The following ABCC5 variants were observed in gnomAD, a reference collection of about 807,000 sequenced individuals.
ABCC5 encodes the protein ATP binding cassette subfamily C member 5, also known as ATP-binding cassette sub-family C member 5.
ABCC5 carries 61 observed loss-of-function variants against 160.9 expected under a neutral mutation model. The ratio of observed to expected loss-of-function variants is 0.38; its 90% CI spans 0.31 to 0.47. The LOEUF (loss-of-function observed/expected upper bound fraction) is 0.47, where lower values mean the gene tolerates loss of function less well. Among genes scored for constraint, ABCC5 ranks in the 20% least tolerant of loss-of-function variants. The pLI is 0.99. For missense variants in ABCC5, 1,308 were observed against 1,813.3 expected, an observed-to-expected ratio of 0.72 and a Z score of 5.06; for synonymous variants, 666 against 700.6, an observed-to-expected ratio of 0.95 and a Z score of 0.78.
At chr3:184,005,692 AATG>A (rs1427085909) in intron 2 of ABCC5, among the ~76,000 whole-genome samples, 1 of 152,010 alleles carries the variant, frequency 6.6e-6, no homozygotes, top group Non-Finnish European at 1.5e-5. Flanking sequence ...ATGACGAGTT[AATG>A]GGTGCAGCCC....
chr3:183,925,827 T>C (rs1035172612), intron 28 of ABCC5, 108 bp from the exon 29 acceptor site: 2 of 1,143,254 alleles, frequency 1.7e-6, no homozygotes, highest in African/African-American at 3.2e-5. Context: ...CTATCTATTG[T>C]TTTCTTTTCT....
At position 184,014,368 on chromosome 3, in the gene ABCC5, C is replaced by T; in HGVS notation, c.25G>A (p.Glu9Lys). 1.2e-6 allele frequency: 2 copies of T among 1,613,726 alleles called. No individual in the cohort carries two copies. Among genetic ancestry groups the T allele is most frequent in the Middle Eastern group, 1.7e-4 (1 of 6,060 alleles). Residue 9 changes from glutamate to lysine, a missense_variant, in exon 2 of 30, where the codon GAG becomes AAG. Around this residue, in one of 3 missense-constraint regions of ABCC5, gnomAD observed 1,142 missense variants for 1,527.1 expected, o/e 0.75. Coordinates refer to ENST00000334444, the MANE Select transcript of ABCC5 (RefSeq NM_005688.4). MKDIDIGKEYIIPSPGYRS... is the reference protein window; with the variant it reads MKDIDIGKKYIIPSPGYRS... Reference sequence around the variant, plus strand: ...TACCCAGGACTGGGGATGATATACTCTTTTCCTATGTCGATATCCTTCATC... The same window carrying T: ...TACCCAGGACTGGGGATGATATACTTTTTTCCTATGTCGATATCCTTCATC...
chr3:183,982,254 T>C lies in ABCC5; in HGVS notation c.999+197A>G, dbSNP rs1420320190. On this transcript the variant is annotated intron_variant, in intron 7 of 29. Coordinates refer to ENST00000334444, the MANE Select transcript of ABCC5 (RefSeq NM_005688.4). The surrounding 1 kb of genome is among the most constrained non-coding windows in gnomAD (Gnocchi z 5.2). ...ACCTTCTCATTCAGACTCTCTTTCA[T>C]GCAAGTGACACCTTACCTCCTCTCA... Among the ~76,000 whole-genome samples the C allele has an allele frequency of 3.3e-5, 5 of 152,170 alleles. No homozygotes were observed. The highest frequency in any genetic ancestry group is 7.4e-5 in the Non-Finnish European group (5 of 68,016).
intron 26 of ABCC5, among the ~76,000 whole-genome samples, chr3:183,935,780 G>A (rs1049920639): frequency 4.6e-5 from 7 of 152,190 alleles, no homozygotes; most frequent in Non-Finnish European, 5.9e-5. Context: ...GGCATTACAG[G>A]CGTGAGCCAC....
chr3:183,965,391 T>A lies in ABCC5; in HGVS notation c.1944A>T (p.Glu648Asp). Residue 648 changes from glutamate to aspartate, a missense_variant, in exon 13 of 30, where the codon GAA becomes GAT. Glu to Asp is a conservative substitution (Grantham distance 45). This residue lies in a region of ABCC5 where 1,142 missense variants were observed against 1,527.1 expected (regional missense o/e 0.75). Transcript: ENST00000334444. ...TLRDNILFGK[E>D]YDEERYNSVL... ...ACATTCCTTGCCTTTCTTCATCATA[T>A]TCCTTCCCAAACAGGATGTTGTCTC... The A allele has an allele frequency of 1.2e-6, 2 of 1,614,096 alleles. No individual in the cohort carries two copies. Among genetic ancestry groups the A allele is most frequent in the South Asian group, 2.2e-5 (2 of 91,088 alleles).
intron 17 of ABCC5, among the ~76,000 whole-genome samples, chr3:183,954,665 G>A (rs1169532979): frequency 4.6e-5 from 7 of 152,128 alleles, no homozygotes; most frequent in Non-Finnish European, 8.8e-5. Flanking sequence ...TCTCCCTGGC[G>A]CACTCAGATT....
chr3:183,983,136 T>C (rs996525138), intron 5 of ABCC5, 129 bp from the exon 6 acceptor site: 9 of 823,008 alleles, frequency 1.1e-5, no homozygotes, highest in African/African-American at 1.7e-5. Flanking sequence ...AGCAAAACTT[T>C]GGAAGACCCA....
In ABCC5 at chr3:183,950,000, G is replaced by C; in HGVS notation, c.3070C>G (p.Leu1024Val). Residue 1024 changes from leucine (L) to valine (V), a missense_variant, in exon 21 of 30, where the codon CTC (leucine) becomes GTC (valine). Coordinates refer to ENST00000334444, the MANE Select transcript of ABCC5 (RefSeq NM_005688.4). The surrounding 1 kb of genome is among the most constrained non-coding windows in gnomAD (Gnocchi z 4.2). ...GAGACAATGTGCAGGACTGAAAAGA[G>C]GATGACAAGGGGCCCCACTGCCACA... ...FLVAVGPLVI[L>V]FSVLHIVSRV... is the part of the protein sequence containing the mutation. 2.5e-6 allele frequency: 4 copies of C among 1,614,132 alleles called. 1 individual carries two copies. In the South Asian group the frequency reaches 4.4e-5, roughly 18 times the overall value.
chr3:183,984,050 A>C (rs1464064888), intron 5 of ABCC5: 5 of 985,308 alleles, frequency 5.1e-6, no homozygotes, highest in East Asian at 2.3e-4. Context: ...TCTGCAACGG[A>C]GTAGATTCTC....
intron 2 of ABCC5, chr3:184,011,395 A>G (rs1030471111): frequency 1.3e-5 from 2 of 152,214 alleles, no homozygotes; most frequent in Admixed American, 1.3e-4. Context: ...GCTAAAATAA[A>G]CATTATAACA....
At chr3:183,924,717 C>G (rs1312465520) in intron 29 of ABCC5, among the ~76,000 whole-genome samples, 1 of 152,284 alleles carries the variant, frequency 6.6e-6, no homozygotes, top group South Asian at 2.1e-4. Flanking sequence ...CCTCAGAGAG[C>G]GTTCAGGGAG....
In ABCC5 at chr3:184,017,503, G is replaced by A. The variant is rs1330853436; in HGVS notation, c.-56+327C>T. On this transcript the variant is annotated intron_variant, in intron 1 of 29. Transcript: ENST00000334444. The surrounding 1 kb of genome is among the most constrained non-coding windows in gnomAD (Gnocchi z 4.5). ...CCACAGCCCGCTCCGGCCTGCCCAG[G>A]CGAGCGCGACCCACACCCACGGCCC... 1.3e-5 allele frequency: 2 copies of A among 152,096 alleles called. No individual in the cohort carries two copies. The highest frequency in any genetic ancestry group is 2.9e-5 in the Non-Finnish European group (2 of 68,032). The allele number at this position is 152,096 out of a possible 1,614,324, so 9.4% of individuals were successfully genotyped here.
chr3:183,999,989 G>C (rs1028645343), intron 2 of ABCC5, among the ~76,000 whole-genome samples: 1 of 152,128 alleles, frequency 6.6e-6, no homozygotes, highest in African/African-American at 2.4e-5. Flanking sequence ...TCAAAGGGAA[G>C]AGAGGTTCAA....
At position 183,988,589 on chromosome 3, in the gene ABCC5, A is replaced by G. The variant is rs750698519; in HGVS notation, c.426T>C (p.Ser142=). Residue 142 remains serine, a synonymous_variant, in exon 4 of 30, where the codon TCT becomes TCC. Transcript: ENST00000334444. This position sits in a 1 kb window ranked among gnomAD's most constrained non-coding sequence, Gnocchi z 4.4. The part of the protein sequence containing the change: ...DVWSLSKHES[S]DVNCRRLERL... The stretch of plus-strand genomic sequence containing the variant: ...GCGCCTACCTTCTGCAGTTCACGTC[A>G]GAAGACTCGTGCTTGGACAGAGACC... 20 of 1,613,858 alleles carry G rather than the reference A, an allele frequency of 1.2e-5. No individual in the cohort carries two copies. The highest frequency in any genetic ancestry group is 1.7e-5 in the Non-Finnish European group (20 of 1,179,976).
Position 183,921,362 on chromosome 3 carries a change from C to T in ABCC5, c.4252G>A (p.Asp1418Asn). 4.3e-6 allele frequency: 7 copies of T among 1,613,112 alleles called. No individual in the cohort carries two copies. Among genetic ancestry groups the T allele is most frequent in the South Asian group, 1.1e-5 (1 of 90,942 alleles). ...AACATGGCATAGAATCGGGAACTGTCGTTGGACAGAAGGACCGATGGGGTG... is the reference window on the plus strand; with the variant it reads ...AACATGGCATAGAATCGGGAACTGTTGTTGGACAGAAGGACCGATGGGGTG... ...FDTPSVLLSN[D>N]SSRFYAMFAA... Residue 1418 changes from aspartate to asparagine, a missense_variant, in exon 30 of 30, where the codon GAC becomes AAC. Physicochemically the swap from Asp to Asn is conservative, Grantham distance 23. Transcript: ENST00000334444. The surrounding 1 kb of genome is among the most constrained non-coding windows in gnomAD (Gnocchi z 4.1).
At chr3:183,935,964 C>T (rs1484472070) in intron 26 of ABCC5, among the ~76,000 whole-genome samples, 2 of 152,198 alleles carry the variant, frequency 1.3e-5, no homozygotes, top group African/African-American at 4.8e-5. Flanking sequence ...TACACAAACA[C>T]AGGTGAGAAT....
intron 25 of ABCC5, among the ~76,000 whole-genome samples, chr3:183,938,612 A>G (rs1417768578): frequency 6.6e-6 from 1 of 152,036 alleles, no homozygotes; most frequent in Non-Finnish European, 1.5e-5. Context: ...TTCCATTTTC[A>G]TGAGAGTAAA....
chr3:183,987,854 C>T lies in ABCC5; in HGVS notation c.507G>A (p.Arg169=). 1 of 1,614,210 alleles carries T rather than the reference C, an allele frequency of 6.2e-7. No individual in the cohort carries two copies. Among genetic ancestry groups the T allele is most frequent in the Non-Finnish European group, 8.5e-7 (1 of 1,180,042 alleles). ...EVGPDAASLR[R]VVWIFCRTRL... Reference sequence around the variant, plus strand: ...TGGTGCGGCAGAAGATCCACACAACCCTTCGCAGGGAAGCAGCGTCTGGCC... The same window carrying T: ...TGGTGCGGCAGAAGATCCACACAACTCTTCGCAGGGAAGCAGCGTCTGGCC... Residue 169 remains arginine (R), a synonymous_variant, in exon 5 of 30, where the codon AGG becomes AGA. Coordinates refer to ENST00000334444, the MANE Select transcript of ABCC5 (RefSeq NM_005688.4). This position sits in a 1 kb window ranked among gnomAD's most constrained non-coding sequence, Gnocchi z 4.2.
At position 183,982,357 on chromosome 3, in the gene ABCC5, G is replaced by T; in HGVS notation, c.999+94C>A. On this transcript the variant is annotated intron_variant, in intron 7 of 29. Transcript: ENST00000334444. The surrounding 1 kb of genome is among the most constrained non-coding windows in gnomAD (Gnocchi z 5.2). ...TGCTTTGAGGAAATTTCCAATCAGA[G>T]CTGTGAGACCTCAGCAATGCCTACT... The T allele has an allele frequency of 7.3e-7, 1 of 1,368,480 alleles. No homozygotes were observed. The highest frequency in any genetic ancestry group is 9.9e-7 in the Non-Finnish European group (1 of 1,008,004). 84.8% of individuals were successfully genotyped at this position (1,368,480 alleles called of 1,614,324 possible).
Sources: allele counts gnomAD v4.1 joint callset (sites outside exome capture counted in the v4.1 genomes callset), GRCh38; gene constraint gnomAD v4.1.1; regional missense constraint gnomAD v4.1.1; non-coding constraint Gnocchi (gnomAD v3.1); transcripts MANE v1.5; gene names NCBI Gene and HGNC (gene_info 2026-07-23, HGNC 2026-07-21).